Variants in SCD5 observed in about 807,000 individuals in gnomAD.
SCD5 encodes stearoyl-CoA desaturase 5, also known as acyl-CoA-desaturase 4.
A neutral mutation model predicts 30.4 loss-of-function variants in SCD5; 20 were observed. The ratio of observed to expected loss-of-function variants is 0.66; its 90% CI spans 0.46 to 0.96. The LOEUF is 0.96. Among genes scored for constraint, SCD5 ranks in the 40% least tolerant of loss-of-function variants. SCD5 has a pLI of 0.00. For missense variants in SCD5, 381 were observed against 443.3 expected (o/e 0.86, Z 1.26); for synonymous variants, 173 against 176.4 (o/e 0.98, Z 0.16).
chr4:82,638,982 C>G (rs181909438), intron 3 of SCD5, among the ~76,000 whole-genome samples: 5 of 152,330 alleles, frequency 3.3e-5, no homozygotes, highest in Admixed American at 2.0e-4. Context: ...CCCAAAGTCG[C>G]AAGACTCATA....
chr4:82,778,214 T>C (rs1301426283), intron 1 of SCD5, among the ~76,000 whole-genome samples: 1 of 151,886 alleles, frequency 6.6e-6, no homozygotes, highest in East Asian at 1.9e-4. Flanking sequence ...CCAGGGCCTG[T>C]TGGGGGATTG....
chr4:82,794,117 C>T (rs904776748), intron 1 of SCD5, among the ~76,000 whole-genome samples: 5 of 152,194 alleles, frequency 3.3e-5, no homozygotes, highest in Non-Finnish European at 5.9e-5. Context: ...TGTTAATCTC[C>T]ACCACTTCTC....
intron 2 of SCD5, among the ~76,000 whole-genome samples, chr4:82,690,339 A>G (rs998872914): frequency 2.6e-5 from 4 of 152,234 alleles, no homozygotes; most frequent in African/African-American, 9.6e-5. Flanking sequence ...TGGTGAATCT[A>G]GGTGAAGGCT....
chr4:82,668,202 A>G (rs1310016727), intron 3 of SCD5, among the ~76,000 whole-genome samples: 1 of 152,222 alleles, frequency 6.6e-6, no homozygotes, highest in Non-Finnish European at 1.5e-5. Context: ...AAAAAAAGGA[A>G]CAAAGCTGTC....
intron 3 of SCD5, among the ~76,000 whole-genome samples, chr4:82,671,752 C>T (rs1456862711): frequency 6.6e-6 from 1 of 152,162 alleles, no homozygotes. Flanking sequence ...GTGGTGTGCT[C>T]CTGTAATCCC....
At chr4:82,779,672 T>C (rs1302513044) in intron 1 of SCD5, among the ~76,000 whole-genome samples, 1 of 152,202 alleles carries the variant, frequency 6.6e-6, no homozygotes, top group Non-Finnish European at 1.5e-5. Flanking sequence ...TGACGGCCCC[T>C]TAACAGCTCT....
At chr4:82,765,002 C>T (rs759578370) in intron 1 of SCD5, among the ~76,000 whole-genome samples, 3 of 152,218 alleles carry the variant, frequency 2.0e-5, no homozygotes, top group Non-Finnish European at 2.9e-5. Flanking sequence ...GCTGGGAATA[C>T]AGTCATGAGC....
At chr4:82,783,657 G>C (rs1044434012) in intron 1 of SCD5, among the ~76,000 whole-genome samples, 2 of 152,038 alleles carry the variant, frequency 1.3e-5, no homozygotes, top group East Asian at 1.9e-4. Flanking sequence ...AACAAAATTA[G>C]CTGGGCGTGG....
chr4:82,691,306 G>A (rs1728831243), intron 2 of SCD5, among the ~76,000 whole-genome samples: 2 of 152,210 alleles, frequency 1.3e-5, no homozygotes, highest in Admixed American at 6.5e-5. Context: ...GATTACAGCT[G>A]TGAGCCACTG....
chr4:82,779,135 G>A (rs1311612967), intron 1 of SCD5, among the ~76,000 whole-genome samples: 1 of 152,200 alleles, frequency 6.6e-6, no homozygotes, highest in Non-Finnish European at 1.5e-5. Flanking sequence ...AAAGCGCTGG[G>A]ATTACAGGCG....
chr4:82,726,542 T>C (rs992335430), intron 1 of SCD5, among the ~76,000 whole-genome samples: 4 of 149,672 alleles, frequency 2.7e-5, no homozygotes, highest in African/African-American at 1.0e-4. Context: ...TCACTCTGCT[T>C]GTTAAGAAAG....
chr4:82,673,325 G>T (rs1475083373), intron 3 of SCD5, among the ~76,000 whole-genome samples: 3 of 152,124 alleles, frequency 2.0e-5, no homozygotes, highest in Non-Finnish European at 4.4e-5. Context: ...AAGGTTGCCA[G>T]ATACAAGGTT....
chr4:82,730,813 T>A (rs1434911132), intron 1 of SCD5, among the ~76,000 whole-genome samples: 1 of 152,100 alleles, frequency 6.6e-6, no homozygotes, highest in Non-Finnish European at 1.5e-5. Context: ...CTCGGTCTCC[T>A]GACCTCGTAA....
intron 1 of SCD5, among the ~76,000 whole-genome samples, chr4:82,731,519 G>GC (rs1720643263): frequency 1.3e-5 from 2 of 152,260 alleles, no homozygotes; most frequent in Non-Finnish European, 2.9e-5. Context: ...CATAGTTGCA[G>GC]CAAGTAAGAG....
At chr4:82,664,462 A>G (rs1293853611) in intron 3 of SCD5, among the ~76,000 whole-genome samples, 1 of 152,156 alleles carries the variant, frequency 6.6e-6, no homozygotes, top group Non-Finnish European at 1.5e-5. Flanking sequence ...AACAAAAATC[A>G]TTGTCCAGAG....
chr4:82,631,225 A>T lies in SCD5; in HGVS notation c.*102T>A. 1.1e-6 allele frequency: 1 copy of T among 874,982 alleles called. No homozygotes were observed. The highest frequency in any genetic ancestry group is 1.7e-6 in the Non-Finnish European group (1 of 597,026). 54.2% of individuals were successfully genotyped at this position (874,982 alleles called of 1,614,324 possible). A position where few individuals can be genotyped will look rare whatever the true frequency, so the allele number is the denominator to read the frequency against. ...AACCACATTGACTCGTTCCTTCCCCACCCTCTGCCCCCTCCCACGATCCAA... is the reference window on the plus strand; with the variant it reads ...AACCACATTGACTCGTTCCTTCCCCTCCCTCTGCCCCCTCCCACGATCCAA... On this transcript the variant is annotated 3_prime_UTR_variant, in exon 5 of 5. Coordinates refer to ENST00000319540, the MANE Select transcript of SCD5 (RefSeq NM_001037582.3).
intron 2 of SCD5, among the ~76,000 whole-genome samples, chr4:82,702,709 T>C (rs538980173): frequency 1.3e-5 from 2 of 152,210 alleles, no homozygotes; most frequent in South Asian, 4.2e-4. Flanking sequence ...AGAGAGAGAA[T>C]CTTTGAAACT....
intron 1 of SCD5, among the ~76,000 whole-genome samples, chr4:82,715,211 T>C (rs1720200659): frequency 6.8e-6 from 1 of 147,382 alleles, no homozygotes; most frequent in Non-Finnish European, 1.5e-5. Flanking sequence ...TACTGCAGCC[T>C]GGGTGACAGA....
At chr4:82,644,277 C>T (rs1372592879) in intron 3 of SCD5, among the ~76,000 whole-genome samples, 1 of 152,214 alleles carries the variant, frequency 6.6e-6, no homozygotes, top group African/African-American at 2.4e-5. Context: ...TGAGACTGTT[C>T]AAAGCCCAGC....
Sources: allele counts gnomAD v4.1 joint callset (sites outside exome capture counted in the v4.1 genomes callset), GRCh38; gene constraint gnomAD v4.1.1; transcripts MANE v1.5; gene names NCBI Gene and HGNC (gene_info 2026-07-23, HGNC 2026-07-21).